Variants in CSMD3 observed in about 807,000 individuals in gnomAD.
The protein encoded by CSMD3 is CUB and Sushi multiple domains 3.
Under a neutral mutation model 435.2 loss-of-function variants are expected in CSMD3, and 177 were observed. The ratio of observed to expected loss-of-function variants is 0.41; its 90% CI spans 0.36 to 0.46. The LOEUF is 0.46. Among genes scored for constraint, CSMD3 ranks in the 20% least tolerant of loss-of-function variants. CSMD3 has a pLI of 0.34. For synonymous variants in CSMD3, 1,656 were observed against 1,520.5 expected (o/e 1.09, Z -2.07); for missense variants, 4,265 against 4,504.6 (o/e 0.95, Z 1.52).
chr8:112,827,206 T>G (rs939801517), intron 12 of CSMD3, among the ~76,000 whole-genome samples: 1 of 132,760 alleles, frequency 7.5e-6, no homozygotes, highest in African/African-American at 2.9e-5. Context: ...TATATATATA[T>G]AATCTTTCTA....
intron 30 of CSMD3, among the ~76,000 whole-genome samples, chr8:112,494,983 A>T (rs1821193871): frequency 6.6e-6 from 1 of 152,112 alleles, no homozygotes; most frequent in Non-Finnish European, 1.5e-5. Context: ...TATTATACTC[A>T]AGCTGCTCTG....
At chr8:112,635,893 A>G (rs541634253) in intron 22 of CSMD3, among the ~76,000 whole-genome samples, 2 of 152,076 alleles carry the variant, frequency 1.3e-5, no homozygotes, top group East Asian at 3.9e-4. Context: ...ATCTCTACCA[A>G]TTTTCCTGAT....
At chr8:112,811,895 C>A (rs185832075) in intron 12 of CSMD3, among the ~76,000 whole-genome samples, 2 of 152,272 alleles carry the variant, frequency 1.3e-5, no homozygotes, top group Admixed American at 1.3e-4. Flanking sequence ...CTCTCAAACA[C>A]CTTGGTTTAG....
chr8:113,024,752 G>A (rs1231313018), intron 5 of CSMD3, among the ~76,000 whole-genome samples: 1 of 151,994 alleles, frequency 6.6e-6, no homozygotes, highest in Admixed American at 6.6e-5. Context: ...TTCTTCTTTT[G>A]AAGGTTATCT....
At chr8:112,325,018 C>T (rs1437329292) in intron 45 of CSMD3, among the ~76,000 whole-genome samples, 1 of 151,936 alleles carries the variant, frequency 6.6e-6, no homozygotes, top group Non-Finnish European at 1.5e-5. Flanking sequence ...TAACTTCATC[C>T]CCACCTATTA....
intron 1 of CSMD3, among the ~76,000 whole-genome samples, chr8:113,386,884 G>A (rs1403002305): frequency 6.6e-6 from 1 of 151,766 alleles, no homozygotes; most frequent in African/African-American, 2.4e-5. Context: ...TTGTGCCGAA[G>A]AAAATATGAT....
intron 10 of CSMD3, among the ~76,000 whole-genome samples, chr8:112,882,679 G>A (rs1361275252): frequency 6.6e-6 from 1 of 151,902 alleles, no homozygotes; most frequent in Non-Finnish European, 1.5e-5. Flanking sequence ...AATTAATTGA[G>A]ACTTGTCTCA....
At chr8:112,529,795 A>C (rs1393465562) in intron 27 of CSMD3, among the ~76,000 whole-genome samples, 1 of 152,172 alleles carries the variant, frequency 6.6e-6, no homozygotes, top group East Asian at 1.9e-4. Context: ...AGAATCAGAA[A>C]AAAATAATTC....
chr8:113,341,048 ATTTATTTACT>A (rs1320315027), intron 1 of CSMD3, among the ~76,000 whole-genome samples: 4 of 151,942 alleles, frequency 2.6e-5, no homozygotes, highest in Admixed American at 6.6e-5. Context: ...GTTTTTTAAC[ATTTATTTACT>A]TTTATTTTTT....
chr8:113,159,076 T>C (rs2131825589), intron 4 of CSMD3, among the ~76,000 whole-genome samples: 1 of 152,110 alleles, frequency 6.6e-6, no homozygotes, highest in African/African-American at 2.4e-5. Flanking sequence ...CAAAATAATC[T>C]GTTCCTTAAA....
chr8:112,568,041 C>G (rs1456780234), intron 24 of CSMD3, among the ~76,000 whole-genome samples: 1 of 152,080 alleles, frequency 6.6e-6, no homozygotes, highest in African/African-American at 2.4e-5. Flanking sequence ...GAAGATTAGC[C>G]TGACTCAATA....
chr8:113,037,119 T>C (rs894273846), intron 5 of CSMD3, among the ~76,000 whole-genome samples: 17 of 152,142 alleles, frequency 1.1e-4, no homozygotes, highest in South Asian at 6.2e-4. Context: ...CAAATATTGC[T>C]ATTTTATTGA....
At chr8:112,394,114 C>A (rs1830672134) in intron 35 of CSMD3, among the ~76,000 whole-genome samples, 2 of 152,120 alleles carry the variant, frequency 1.3e-5, no homozygotes, top group African/African-American at 4.8e-5. Flanking sequence ...TCTCTTTCAT[C>A]TTAGGGATTG....
intron 35 of CSMD3, among the ~76,000 whole-genome samples, chr8:112,405,380 T>C (rs1473279435): frequency 6.7e-6 from 1 of 149,978 alleles, no homozygotes; most frequent in Non-Finnish European, 1.5e-5. Context: ...TTTAATATTA[T>C]GTAATTTAAA....
intron 35 of CSMD3, among the ~76,000 whole-genome samples, chr8:112,400,892 C>T (rs995767674): frequency 6.6e-5 from 10 of 152,112 alleles, no homozygotes; most frequent in Non-Finnish European, 1.2e-4. Context: ...GTTTCAGACA[C>T]AAATGGTTAA....
At chr8:113,080,774 T>C (rs1353767906) in intron 5 of CSMD3, among the ~76,000 whole-genome samples, 7 of 152,198 alleles carry the variant, frequency 4.6e-5, no homozygotes, top group Admixed American at 4.6e-4. Flanking sequence ...ATGCAGACCA[T>C]ATGAATGTAT....
chr8:112,352,086 T>G (rs1826185055), intron 39 of CSMD3, among the ~76,000 whole-genome samples: 1 of 152,124 alleles, frequency 6.6e-6, no homozygotes, highest in African/African-American at 2.4e-5. Flanking sequence ...AATTCAGTTG[T>G]CACAATCCTA....
Position 112,942,049 on chromosome 8 carries a change from C to T in CSMD3, c.1508+5741G>A, listed in dbSNP as rs78303791. Among the ~76,000 whole-genome samples the T allele has an allele frequency of 4.0e-3, 603 of 151,428 alleles. 17 individuals carry two copies. In the East Asian group the frequency reaches 0.08, roughly 20 times the overall value. On this transcript the variant is annotated intron_variant, in intron 9 of 70. Coordinates refer to ENST00000297405, the MANE Select transcript of CSMD3 (RefSeq NM_198123.2). ...TGTCATTATTCACTATTACAATATC[C>T]GACAGAATAGATTCACTGCCCTTAT...
At chr8:112,540,587 C>A (rs1039868781) in intron 27 of CSMD3, among the ~76,000 whole-genome samples, 4 of 151,976 alleles carry the variant, frequency 2.6e-5, no homozygotes, top group African/African-American at 7.2e-5. Context: ...GAATGTTATT[C>A]AGCCACGGGG....
Sources: gnomAD v4.1 joint callset for allele counts (sites outside exome capture counted in the v4.1 genomes callset) on GRCh38, gnomAD v4.1.1 for gene constraint, MANE v1.5 for transcripts, NCBI Gene and HGNC (gene_info 2026-07-23, HGNC 2026-07-21) for gene names.